ESPNL: variants seen among roughly 807,000 people sequenced by gnomAD.
ESPNL encodes the protein espin-like protein.
Under a neutral mutation model 46.8 loss-of-function variants are expected in ESPNL, and 49 were observed. The observed-to-expected ratio is 1.05, with a 90% CI of 0.83 to 1.33. ESPNL has a LOEUF of 1.33. Among genes scored for constraint, ESPNL ranks in the 40% most tolerant of loss-of-function variants. The probability of loss-of-function intolerance (pLI) is 0.00; values close to 1 mark genes in which losing one functional copy is unlikely to be tolerated. For missense variants in ESPNL, 1,540 were observed against 1,436.6 expected (o/e 1.07, Z -1.16); for synonymous variants, 664 against 662.1 (o/e 1.00, Z -0.04).
chr2:238,103,628 C>G (rs1691533783), intron 2 of ESPNL, among the ~76,000 whole-genome samples: 1 of 152,204 alleles, frequency 6.6e-6, no homozygotes. Flanking sequence ...ATGGCCTGCT[C>G]CCAGCCACCG....
At chr2:238,113,819 C>G (rs1182554005) in intron 4 of ESPNL, among the ~76,000 whole-genome samples, 1 of 152,138 alleles carries the variant, frequency 6.6e-6, no homozygotes, top group Non-Finnish European at 1.5e-5. Flanking sequence ...CCTGGCCTCC[C>G]TGGTCCCCTG....
chr2:238,101,895 C>T, intron 1 of ESPNL, 46 bp from the exon 2 acceptor site: 1 of 1,478,946 alleles, frequency 6.8e-7, no homozygotes, highest in Non-Finnish European at 9.3e-7. Flanking sequence ...CTGGCTCTGA[C>T]CTCACGGCCT....
chr2:238,117,005 G>C lies in ESPNL; in HGVS notation c.958G>C (p.Ala320Pro). The C allele has an allele frequency of 6.2e-7, 1 of 1,611,956 alleles. No homozygotes were observed. Among genetic ancestry groups the C allele is most frequent in the Non-Finnish European group, 8.5e-7 (1 of 1,179,566 alleles). ...GGAGTACCATGGACACCGGGACTGCGCCCAGTACCTGCGGGAGGTGGCCCA... is the reference window on the plus strand; with the variant it reads ...GGAGTACCATGGACACCGGGACTGCCCCCAGTACCTGCGGGAGGTGGCCCA... The part of the protein sequence containing the change: ...LAEYHGHRDC[A>P]QYLREVAQPV... Residue 320 changes from alanine to proline, a missense_variant, in exon 5 of 9, where the codon GCC (alanine) becomes CCC (proline). Physicochemically the swap from Ala to Pro is conservative, Grantham distance 27. Transcript: ENST00000343063.
At position 238,114,315 on chromosome 2, in the gene ESPNL, C is replaced by T. The variant is rs937484700; in HGVS notation, c.856-2588C>T. 2.0e-5 allele frequency among the ~76,000 whole-genome samples: 3 copies of T among 152,124 alleles called. No individual in the cohort carries two copies. The highest frequency in any genetic ancestry group is 7.2e-5 in the African/African-American group (3 of 41,424). On this transcript the variant is annotated intron_variant, in intron 4 of 8. Transcript: ENST00000343063. The surrounding 1 kb of genome is among the most constrained non-coding windows in gnomAD (Gnocchi z 5.0). The stretch of plus-strand genomic sequence containing the variant: ...GCCAGGTCTGACACTTGTCCCCCTT[C>T]CTCTGCCGTGACACCCCTCATACTC...
At chr2:238,127,314 G>T in intron 6 of ESPNL, 1 of 1,179,676 alleles carries the variant, frequency 8.5e-7, no homozygotes, top group Non-Finnish European at 1.1e-6. Context: ...TTTGGGGCCT[G>T]CAGAGCTGCG....
intron 3 of ESPNL, among the ~76,000 whole-genome samples, chr2:238,107,119 C>A (rs537960703): frequency 6.6e-6 from 1 of 152,202 alleles, no homozygotes; most frequent in Non-Finnish European, 1.5e-5. Flanking sequence ...AGGAGACCCC[C>A]GCGTCCCACT....
At position 238,130,915 on chromosome 2, in the gene ESPNL, C is replaced by T; in HGVS notation, c.2201C>T (p.Ala734Val). Residue 734 changes from alanine to valine, a missense_variant, in exon 9 of 9, where the codon GCC (alanine) becomes GTC (valine). Ala to Val is a moderately conservative substitution (Grantham distance 64). Coordinates refer to ENST00000343063, the MANE Select transcript of ESPNL (RefSeq NM_194312.4). ...GGTGCCGCAGCCGGCCCAGACCTGG[C>T]CAGCCTGCGCAAGGAGCGCATCATC... ...EAGAAAGPDL[A>V]SLRKERIIML... is the part of the protein sequence containing the mutation. The T allele has an allele frequency of 6.5e-7, 1 of 1,547,794 alleles. No homozygotes were observed.
chr2:238,131,689 T>C lies in ESPNL; in HGVS notation c.2975T>C (p.Phe992Ser). ...GGCTACATCAACCGCAGCTTTGCCTTCTGGAAGGAGAAGGAAGCTGAGATG... is the reference window on the plus strand; with the variant it reads ...GGCTACATCAACCGCAGCTTTGCCTCCTGGAAGGAGAAGGAAGCTGAGATG... The part of the protein sequence containing the change: ...ICGYINRSFA[F>S]WKEKEAEMFN... The change falls in exon 9 of 9, where the codon TTC becomes TCC. Residue 992 changes from phenylalanine to serine, a missense_variant. Physicochemically the swap from Phe to Ser is radical, Grantham distance 155. Coordinates refer to ENST00000343063, the MANE Select transcript of ESPNL (RefSeq NM_194312.4). 6.3e-7 allele frequency: 1 copy of C among 1,596,544 alleles called. No homozygotes were observed. The highest frequency in any genetic ancestry group is 8.6e-7 in the Non-Finnish European group (1 of 1,166,706).
Position 238,131,463 on chromosome 2 carries a change from G to T in ESPNL, c.2749G>T (p.Asp917Tyr). The change falls in exon 9 of 9, where the codon GAC (aspartate) becomes TAC (tyrosine). Residue 917 changes from aspartate (D) to tyrosine (Y), a missense_variant. Coordinates refer to ENST00000343063, the MANE Select transcript of ESPNL (RefSeq NM_194312.4). ...EVAAGRRAWTDGFEDIKARFF... is the reference protein window; with the variant it reads ...EVAAGRRAWTYGFEDIKARFF... ...GGCCGCCGGCCGCCGGGCCTGGACC[G>T]ACGGCTTCGAGGACATCAAAGCCCG... 1 of 1,611,346 alleles carries T rather than the reference G, an allele frequency of 6.2e-7. No homozygotes were observed. Among genetic ancestry groups the T allele is most frequent in the Admixed American group, 1.7e-5 (1 of 59,926 alleles).
At chr2:238,102,171 G>T (rs1378426522) in intron 2 of ESPNL, 40 bp downstream of exon 2, 2 of 1,486,770 alleles carry the variant, frequency 1.3e-6, no homozygotes, top group Non-Finnish European at 1.8e-6. Context: ...GCAGCCTGGG[G>T]CGAGCTGGCC....
intron 5 of ESPNL, among the ~76,000 whole-genome samples, chr2:238,121,746 A>G (rs924520187): frequency 3.9e-5 from 6 of 152,206 alleles, no homozygotes; most frequent in Admixed American, 3.3e-4. Flanking sequence ...GCACCCAATG[A>G]GGCGCCTGCC....
Position 238,109,625 on chromosome 2 carries a change from G to T in ESPNL, c.855+1652G>T, listed in dbSNP as rs1274041984. Among the ~76,000 whole-genome samples, 7 of 152,366 alleles carry T rather than the reference G, an allele frequency of 4.6e-5. No individual in the cohort carries two copies. In the South Asian group the frequency reaches 6.2e-4, roughly 14 times the overall value. On this transcript the variant is annotated intron_variant, in intron 4 of 8. Transcript: ENST00000343063. Reference sequence around the variant, plus strand: ...TCCCACCTCAGCCTTCCAAAGTGCTGGGATGACAGGTGTGAGCCACTATGC... The same window carrying T: ...TCCCACCTCAGCCTTCCAAAGTGCTTGGATGACAGGTGTGAGCCACTATGC...
chr2:238,100,545 C>G lies in ESPNL; in HGVS notation c.126C>G (p.His42Gln). The G allele has an allele frequency of 6.3e-7, 1 of 1,592,592 alleles. No homozygotes were observed. Among genetic ancestry groups the G allele is most frequent in the African/African-American group, 1.3e-5 (1 of 74,590 alleles). The stretch of plus-strand genomic sequence containing the variant: ...CTCTGGGGGCCGGCCTGGTTCACCA[C>G]GCCACCCGGGCTGGCCACCTGGACT... ...TDALGAGLVH[H>Q]ATRAGHLDCV... The change falls in exon 1 of 9, where the codon CAC (histidine) becomes CAG (glutamine). Residue 42 changes from histidine (H) to glutamine (Q), a missense_variant. Coordinates refer to ENST00000343063, the MANE Select transcript of ESPNL (RefSeq NM_194312.4).
rs759662295 is a variant in ESPNL, at chr2:238,102,016, C to T, written c.370C>T (p.Leu124Phe). 4.4e-6 allele frequency: 7 copies of T among 1,607,356 alleles called. No individual in the cohort carries two copies. The highest frequency in any genetic ancestry group is 1.7e-5 in the Admixed American group (1 of 59,798). The change falls in exon 2 of 9, where the codon CTC becomes TTC. Residue 124 changes from leucine (L) to phenylalanine (F), a missense_variant. By Grantham distance (22) the Leu-to-Phe change is conservative (BLOSUM62 0). Transcript: ENST00000343063. ...ACACCCAGTGCTGGTGGAGTGGCTG[C>T]TCCACGAGGGCCACTCGGCCACGCT... is the stretch of plus-strand genomic sequence containing the variant. ...FGHPVLVEWL[L>F]HEGHSATLET...
chr2:238,101,438 G>A (rs1559256876), intron 1 of ESPNL, among the ~76,000 whole-genome samples: 1 of 152,220 alleles, frequency 6.6e-6, no homozygotes, highest in Non-Finnish European at 1.5e-5. Context: ...GCAGCAGGCG[G>A]GAGCTGTGCC....
chr2:238,104,742 T>G lies in ESPNL; in HGVS notation c.572T>G (p.Val191Gly). The change falls in exon 3 of 9, where the codon GTG becomes GGG. Residue 191 changes from valine (V) to glycine (G), a missense_variant. Val to Gly is a moderately radical substitution (Grantham distance 109). Coordinates refer to ENST00000343063, the MANE Select transcript of ESPNL (RefSeq NM_194312.4). ...CACCTGCACCTGGCCCAGTTCCTGGTGAAGGACTGTGGCGCTGACGTGCAC... is the reference window on the plus strand; with the variant it reads ...CACCTGCACCTGGCCCAGTTCCTGGGGAAGGACTGTGGCGCTGACGTGCAC... ...EGHLHLAQFL[V>G]KDCGADVHLR... 6.2e-7 allele frequency: 1 copy of G among 1,608,350 alleles called. No individual in the cohort carries two copies. Among genetic ancestry groups the G allele is most frequent in the Admixed American group, 1.7e-5 (1 of 59,744 alleles).
chr2:238,129,234 G>T, intron 8 of ESPNL: 1 of 1,248,058 alleles, frequency 8.0e-7, no homozygotes, highest in Non-Finnish European at 1.0e-6. Context: ...ATGGGCAGGT[G>T]CCGGCAGGTG....
At chr2:238,111,465 G>A (rs201117004) in intron 4 of ESPNL, among the ~76,000 whole-genome samples, 1 of 152,168 alleles carries the variant, frequency 6.6e-6, no homozygotes, top group East Asian at 1.9e-4. Context: ...CCAGCCCCTG[G>A]CCAGCAACAT....
At chr2:238,128,631 A>T in intron 7 of ESPNL, 76 bp from the exon 8 acceptor site, 2 of 1,445,290 alleles carry the variant, frequency 1.4e-6, no homozygotes, top group African/African-American at 1.4e-5. Flanking sequence ...CCAACCCCCC[A>T]CGTCCTCTCG....
Sources: gnomAD v4.1 joint callset for allele counts (sites outside exome capture counted in the v4.1 genomes callset) on GRCh38, gnomAD v4.1.1 for gene constraint, Gnocchi (gnomAD v3.1) non-coding constraint, MANE v1.5 for transcripts, NCBI Gene and HGNC (gene_info 2026-07-23, HGNC 2026-07-21) for gene names.